DLG1: variants seen among roughly 807,000 people sequenced by gnomAD.
DLG1 encodes the protein discs large MAGUK scaffold protein 1.
A neutral mutation model predicts 123.4 loss-of-function variants in DLG1; 42 were observed. The observed-to-expected ratio is 0.34, with a 90% CI of 0.27 to 0.44. DLG1 has a LOEUF of 0.44. Among genes scored for constraint, DLG1 ranks in the 20% least tolerant of loss-of-function variants. The pLI is 1.00. For synonymous variants in DLG1, 317 were observed against 356.2 expected, an observed-to-expected ratio of 0.89 and a Z score of 1.24; for missense variants, 942 against 1,082.6, an observed-to-expected ratio of 0.87 and a Z score of 1.82.
rs114304502 is a variant in DLG1 at position 197,156,851 on chromosome 3, G to C, written c.484-7055C>G. ...AGAAATGGTTCTACAATAATAGCTGGAGACTTCAATACCACATTCTCCATA... is the reference window on the plus strand; with the variant it reads ...AGAAATGGTTCTACAATAATAGCTGCAGACTTCAATACCACATTCTCCATA... On this transcript the variant is annotated intron_variant, in intron 5 of 24. Transcript: ENST00000667157. 7.2e-3 allele frequency among the ~76,000 whole-genome samples: 1,102 copies of C among 152,252 alleles called. 11 individuals carry two copies. The highest frequency in any genetic ancestry group is 0.024 in the African/African-American group (983 of 41,546).
intron 4 of DLG1, among the ~76,000 whole-genome samples, chr3:197,266,044 C>T (rs569596956): frequency 2.0e-5 from 3 of 152,184 alleles, no homozygotes; most frequent in Non-Finnish European, 2.9e-5. Context: ...GGCAAGACTC[C>T]GTCTCAAAAA....
At chr3:197,160,381 A>C (rs990368074) in intron 5 of DLG1, among the ~76,000 whole-genome samples, 3 of 151,648 alleles carry the variant, frequency 2.0e-5, no homozygotes, top group South Asian at 2.1e-4. Context: ...AAAAAAAAAA[A>C]ACTGTACTAA....
intron 17 of DLG1, among the ~76,000 whole-genome samples, chr3:197,079,825 A>T (rs1749722470): frequency 6.6e-6 from 1 of 152,120 alleles, no homozygotes; most frequent in Non-Finnish European, 1.5e-5. Flanking sequence ...TGTAACACAT[A>T]ATTTTCTCAG....
chr3:197,243,378 CTGTT>C lies in DLG1; in HGVS notation c.318+39297_318+39300del, dbSNP rs1382224660. On this transcript the variant is annotated intron_variant, in intron 4 of 24. Transcript: ENST00000667157. Reference sequence around the variant, plus strand: ...GGGGGTGAAACCCTTTGAAGAGAAACTGTTTGTTCCTAACAATTTTCCCCTCTTG... The same window carrying C: ...GGGGGTGAAACCCTTTGAAGAGAAACTGTTCCTAACAATTTTCCCCTCTTG... 5.9e-5 allele frequency among the ~76,000 whole-genome samples: 9 copies of C among 152,286 alleles called. No homozygotes were observed. In the South Asian group the frequency reaches 8.3e-4, roughly 14 times the overall value.
At chr3:197,156,405 A>G (rs577539945) in intron 5 of DLG1, among the ~76,000 whole-genome samples, 16 of 152,288 alleles carry the variant, frequency 1.1e-4, no homozygotes, top group South Asian at 8.3e-4. Context: ...AAAAAGCTAC[A>G]AGGCATATAT....
chr3:197,142,834 T>C, intron 6 of DLG1, 66 bp from the exon 7 acceptor site: 8 of 1,279,258 alleles, frequency 6.3e-6, no homozygotes, highest in East Asian at 2.4e-5. Flanking sequence ...CAAGGCAAAA[T>C]TTTTGTATGA....
chr3:197,052,772 T>C (rs1728799872), intron 23 of DLG1, among the ~76,000 whole-genome samples: 1 of 152,146 alleles, frequency 6.6e-6, no homozygotes, highest in Admixed American at 6.5e-5. Flanking sequence ...ACCTGGTTTC[T>C]ATCACAAATA....
intron 4 of DLG1, among the ~76,000 whole-genome samples, chr3:197,258,725 C>T (rs9843659): frequency 0.57 from 85,984 of 152,022 alleles, 24,523 homozygotes; most frequent in East Asian, 0.7. Flanking sequence ...GGGTACACAC[C>T]GCAGCCTTTA....
intron 22 of DLG1, among the ~76,000 whole-genome samples, chr3:197,061,496 C>A (rs1208614464): frequency 2.0e-5 from 3 of 152,144 alleles, no homozygotes; most frequent in African/African-American, 7.2e-5. Context: ...AAAAAAATGT[C>A]CTGGTCAAGG....
chr3:197,297,052 G>C (rs999320484), intron 2 of DLG1, 134 bp downstream of exon 2: 1 of 927,064 alleles, frequency 1.1e-6, no homozygotes, highest in Non-Finnish European at 1.7e-6. Context: ...ATGAGGCTTA[G>C]ATTCCCTAAG....
At chr3:197,298,943 T>C (rs1248043867), upstream of DLG1, 1 of 192,698 alleles carries the variant, frequency 5.2e-6, no homozygotes, top group Non-Finnish European at 1.1e-5. Context: ...TGTTCATTCA[T>C]TCGCTCATTC....
chr3:197,163,946 T>C (rs903550570), intron 5 of DLG1, among the ~76,000 whole-genome samples: 1 of 152,096 alleles, frequency 6.6e-6, no homozygotes, highest in African/African-American at 2.4e-5. Flanking sequence ...CTTAAAAGAC[T>C]AGTAAGTTAT....
chr3:197,073,129 C>G (rs1745108948), intron 18 of DLG1, among the ~76,000 whole-genome samples: 1 of 152,228 alleles, frequency 6.6e-6, no homozygotes, highest in African/African-American at 2.4e-5. Context: ...CATCATCAAT[C>G]TGAAGCAATG....
rs1419067672 is a variant in DLG1, at chr3:197,065,264, T to A, written c.2373+12A>T. 6.3e-7 allele frequency: 1 copy of A among 1,594,134 alleles called. No individual in the cohort carries two copies. Among genetic ancestry groups the A allele is most frequent in the East Asian group, 2.2e-5 (1 of 44,492 alleles). On this transcript the variant is annotated intron_variant, in intron 22 of 24. Transcript: ENST00000667157. ...ATTAGAAGCTATATTCTGGGATTAG[T>A]CTGATGCTTACCTTTTCTGCTACTT...
chr3:197,129,085 G>T (rs1781226463), intron 11 of DLG1, among the ~76,000 whole-genome samples: 1 of 152,230 alleles, frequency 6.6e-6, no homozygotes. Context: ...AAGAAAGTCA[G>T]CTTGTACTTT....
At chr3:197,164,182 G>C (rs1800126245) in intron 5 of DLG1, among the ~76,000 whole-genome samples, 1 of 151,554 alleles carries the variant, frequency 6.6e-6, no homozygotes. Context: ...GCGAGGTCAA[G>C]AGTTCAAGAC....
At chr3:197,061,064 A>G (rs1735422309) in intron 22 of DLG1, among the ~76,000 whole-genome samples, 1 of 152,152 alleles carries the variant, frequency 6.6e-6, no homozygotes, top group Non-Finnish European at 1.5e-5. Flanking sequence ...TTGGCCTCCC[A>G]AAGTGCTGGG....
At chr3:197,127,148 T>A (rs2149496572) in intron 11 of DLG1, among the ~76,000 whole-genome samples, 1 of 151,718 alleles carries the variant, frequency 6.6e-6, no homozygotes, top group Admixed American at 6.6e-5. Flanking sequence ...AATGGCCAGG[T>A]GCGGTGGCTC....
chr3:197,196,350 T>C (rs1369313532), intron 4 of DLG1, among the ~76,000 whole-genome samples: 1 of 152,142 alleles, frequency 6.6e-6, no homozygotes, highest in African/African-American at 2.4e-5. Context: ...ATAAGAATAA[T>C]GTTTTCACAG....
Sources: allele counts gnomAD v4.1 joint callset (sites outside exome capture counted in the v4.1 genomes callset), GRCh38; gene constraint gnomAD v4.1.1; transcripts MANE v1.5; gene names NCBI Gene and HGNC (gene_info 2026-07-23, HGNC 2026-07-21).